ESRRB: variants seen among roughly 807,000 people sequenced by gnomAD.
The protein encoded by ESRRB is steroid hormone receptor ERR2.
ESRRB carries 16 observed loss-of-function variants against 46.0 expected under a neutral mutation model. That is an observed-to-expected ratio of 0.35 (90% CI 0.24 to 0.53). The LOEUF is 0.53. ESRRB is among the 20% of genes least tolerant of loss of function. ESRRB has a pLI of 0.93. For synonymous variants in ESRRB, 246 were observed against 259.6 expected, an observed-to-expected ratio of 0.95 and a Z score of 0.50; for missense variants, 488 against 607.4, an observed-to-expected ratio of 0.80 and a Z score of 2.07.
At chr14:76,486,406 A>T (rs567379051) in intron 5 of ESRRB, among the ~76,000 whole-genome samples, 1 of 152,278 alleles carries the variant, frequency 6.6e-6, no homozygotes, top group South Asian at 2.1e-4. Context: ...ACTCAATGAA[A>T]TATGAGCTGC....
intron 3 of ESRRB, among the ~76,000 whole-genome samples, chr14:76,469,926 GTTGTTTTTTTTTTTTTTCTTTT>G (rs1422364239): frequency 1.0e-4 from 7 of 67,654 alleles, no homozygotes; most frequent in Admixed American, 2.8e-4. Context: ...TGTGTTTTTT[GTTGTTTTTTTTTTTTTTCTTTT>G]TTTTTTTTTT....
chr14:76,389,408 G>C (rs1342221947), intron 1 of ESRRB, among the ~76,000 whole-genome samples: 1 of 152,210 alleles, frequency 6.6e-6, no homozygotes, highest in East Asian at 1.9e-4. Context: ...CAGTGACACA[G>C]AGTGGGTGTT....
At chr14:76,371,505 T>G (rs1448569654), upstream of ESRRB, 2 of 152,316 alleles carry the variant, frequency 1.3e-5, no homozygotes, top group Non-Finnish European at 2.9e-5. Flanking sequence ...GCCCTAGCCC[T>G]CACCCTGGGG....
rs150226207 is a variant in ESRRB, at chr14:76,439,626, C to T, written c.336C>T (p.Cys112=). Residue 112 remains cysteine (C), a synonymous_variant, in exon 2 of 7, where the codon TGC becomes TGT. Coordinates refer to ENST00000644823, the MANE Select transcript of ESRRB (RefSeq NM_001379180.1). ...SGIMEDSAIK[C]EYMLNAIPKR... ...TCATGGAGGACTCGGCCATCAAGTGCGAGTACATGCTCAACGCCATCCCCA... is the reference window on the plus strand; with the variant it reads ...TCATGGAGGACTCGGCCATCAAGTGTGAGTACATGCTCAACGCCATCCCCA... The T allele has an allele frequency of 6.2e-7, 1 of 1,614,240 alleles. No homozygotes were observed. The highest frequency in any genetic ancestry group is 8.5e-7 in the Non-Finnish European group (1 of 1,180,034).
intron 1 of ESRRB, among the ~76,000 whole-genome samples, chr14:76,358,340 A>AAAGAAAGAAAGAAAGAAAGAAAG: frequency 3.9e-5 from 1 of 25,564 alleles, no homozygotes; most frequent in Admixed American, 4.4e-4. Context: ...AGAAAGAAAG[A>AAAGAAAGAAAGAAAGAAAGAAAG]AAGAAAGAAA....
At chr14:76,380,096 G>A (rs553540571) in intron 1 of ESRRB, among the ~76,000 whole-genome samples, 10 of 152,212 alleles carry the variant, frequency 6.6e-5, no homozygotes, top group South Asian at 2.1e-4. Context: ...TTTGTCCTGC[G>A]TGTGCTCCAT....
At chr14:76,344,417 C>A (rs546845276) in intron 1 of ESRRB, among the ~76,000 whole-genome samples, 15 of 151,766 alleles carry the variant, frequency 9.9e-5, no homozygotes, top group African/African-American at 1.2e-4. Flanking sequence ...TTACCCCTTG[C>A]CCCCCTCCCA....
At chr14:76,394,556 C>T (rs552104166) in intron 1 of ESRRB, among the ~76,000 whole-genome samples, 1 of 152,324 alleles carries the variant, frequency 6.6e-6, no homozygotes, top group East Asian at 1.9e-4. Context: ...CTCCAGCGCC[C>T]TCATTTTACA....
chr14:76,457,458 T>G (rs1888662570), intron 2 of ESRRB, among the ~76,000 whole-genome samples: 1 of 152,098 alleles, frequency 6.6e-6, no homozygotes, highest in Non-Finnish European at 1.5e-5. Flanking sequence ...GATGAGTTTT[T>G]TTTTTTTTTT....
intron 1 of ESRRB, among the ~76,000 whole-genome samples, chr14:76,357,546 G>T (rs116763178): frequency 6.6e-6 from 1 of 152,036 alleles, no homozygotes; most frequent in African/African-American, 2.4e-5. Context: ...TGGGGGTCTC[G>T]CTCCCTGCCT....
intron 1 of ESRRB, among the ~76,000 whole-genome samples, chr14:76,393,967 A>ATTTTTTTTTTTTTTTTTTTTTT (rs71122531): frequency 7.9e-6 from 1 of 126,986 alleles, no homozygotes; most frequent in Admixed American, 8.2e-5. Flanking sequence ...TGCCTGGCTA[A>ATTTTTTTTTTTTTTTTTTTTTT]TTTTTTTTTT....
chr14:76,481,224 C>T (rs930728395), intron 3 of ESRRB, among the ~76,000 whole-genome samples: 8 of 152,188 alleles, frequency 5.3e-5, no homozygotes, highest in Non-Finnish European at 1.0e-4. Flanking sequence ...AGGCCCTGTG[C>T]CTTCGATCTG....
chr14:76,412,779 G>T (rs1886497517), intron 1 of ESRRB, among the ~76,000 whole-genome samples: 1 of 152,212 alleles, frequency 6.6e-6, no homozygotes, highest in Non-Finnish European at 1.5e-5. Context: ...TAATGCATTT[G>T]TATTGCAAAG....
upstream of ESRRB, among the ~76,000 whole-genome samples, chr14:76,372,091 C>G (rs894632363): frequency 6.6e-6 from 1 of 152,074 alleles, no homozygotes; most frequent in East Asian, 1.9e-4. Flanking sequence ...TATATCATGA[C>G]GAGACTGCTC....
At chr14:76,354,832 C>T (rs1884359906) in intron 1 of ESRRB, among the ~76,000 whole-genome samples, 1 of 151,638 alleles carries the variant, frequency 6.6e-6, no homozygotes, top group Non-Finnish European at 1.5e-5. Context: ...GCCTCAGCCT[C>T]CTGAGTAGCT....
At chr14:76,397,589 T>C (rs1885746082) in intron 1 of ESRRB, among the ~76,000 whole-genome samples, 1 of 152,016 alleles carries the variant, frequency 6.6e-6, no homozygotes, top group Non-Finnish European at 1.5e-5. Context: ...TGGACAAAAT[T>C]TGGGCAAAAA....
intron 1 of ESRRB, among the ~76,000 whole-genome samples, chr14:76,357,997 G>C (rs1033604902): frequency 1.3e-5 from 2 of 152,044 alleles, no homozygotes; most frequent in Non-Finnish European, 2.9e-5. Flanking sequence ...TTGCCTGTTT[G>C]AAATATTCCT....
intron 1 of ESRRB, among the ~76,000 whole-genome samples, chr14:76,423,830 C>T (rs1887080060): frequency 6.6e-6 from 1 of 151,868 alleles, no homozygotes; most frequent in African/African-American, 2.4e-5. Flanking sequence ...GAGGTGGGAG[C>T]GTGATTGGTG....
chr14:76,318,175 C>T (rs1185509225), intron 1 of ESRRB, among the ~76,000 whole-genome samples: 1 of 152,174 alleles, frequency 6.6e-6, no homozygotes, highest in African/African-American at 2.4e-5. Context: ...CCCCAGCAGT[C>T]GCACCTAGGC....
Sources: allele counts gnomAD v4.1 joint callset (sites outside exome capture counted in the v4.1 genomes callset), GRCh38; gene constraint gnomAD v4.1.1; transcripts MANE v1.5; gene names NCBI Gene and HGNC (gene_info 2026-07-23, HGNC 2026-07-21).